Variants in RBFOX1 observed in about 807,000 individuals in gnomAD.
RBFOX1 encodes the protein RNA binding fox-1 homolog 1.
RBFOX1 carries 8 observed loss-of-function variants against 57.7 expected under a neutral mutation model. The observed-to-expected ratio is 0.14, with a 90% CI of 0.08 to 0.25. The LOEUF (loss-of-function observed/expected upper bound fraction) is 0.25, where lower values mean the gene tolerates loss of function less well. Among genes scored for constraint, RBFOX1 ranks in the 10% least tolerant of loss-of-function variants. The probability of loss-of-function intolerance (pLI) is 1.00; values close to 1 mark genes in which losing one functional copy is unlikely to be tolerated. For missense variants in RBFOX1, 611 were observed against 548.5 expected (o/e 1.11, Z -1.14); for synonymous variants, 326 against 222.4 (o/e 1.47, Z -4.15).
rs35756861 is a variant in RBFOX1, at chr16:7,560,532, CA to C, written c.271-19231del. 5.3e-3 allele frequency among the ~76,000 whole-genome samples: 713 copies of C among 135,804 alleles called. 3 individuals carry two copies. The highest frequency in any genetic ancestry group is 0.015 in the East Asian group (64 of 4,362). 89.1% of individuals were successfully genotyped at this position (135,804 alleles called of 152,430 possible). ...TATCTTGCATTTTTATGTAGAGTAT[CA>C]AAAAAAAAAAAAAGCAAAAATTGTT... is the stretch of plus-strand genomic sequence containing the variant. On this transcript the variant is annotated intron_variant, in intron 5 of 15. Coordinates refer to ENST00000550418, the MANE Select transcript of RBFOX1 (RefSeq NM_018723.4).
chr16:6,747,162 C>T (rs2073873996), intron 3 of RBFOX1, among the ~76,000 whole-genome samples: 1 of 152,162 alleles, frequency 6.6e-6, no homozygotes, highest in Non-Finnish European at 1.5e-5. Context: ...ATAATCCCAA[C>T]ACTTTGGGAG....
chr16:6,654,766 A>G (rs947285651), intron 3 of RBFOX1, 116 bp downstream of exon 3: 37 of 686,784 alleles, frequency 5.4e-5, no homozygotes, highest in East Asian at 1.3e-4. Context: ...TTCACGGTCT[A>G]TGACATATTT....
At chr16:5,803,063 C>G (rs2055110051) in intron 3 of RBFOX1, among the ~76,000 whole-genome samples, 1 of 152,214 alleles carries the variant, frequency 6.6e-6, no homozygotes, top group South Asian at 2.1e-4. Flanking sequence ...GATGCAGTTG[C>G]AGACCATCTT....
At chr16:6,636,060 T>G (rs1373670321) in intron 2 of RBFOX1, among the ~76,000 whole-genome samples, 1 of 152,114 alleles carries the variant, frequency 6.6e-6, no homozygotes, top group Non-Finnish European at 1.5e-5. Context: ...CAGTTTTGAG[T>G]GTATTTTGAC....
At chr16:5,300,955 T>C (rs2063787341) in intron 1 of RBFOX1, among the ~76,000 whole-genome samples, 1 of 152,248 alleles carries the variant, frequency 6.6e-6, no homozygotes, top group Non-Finnish European at 1.5e-5. Context: ...GCTCTTGTCC[T>C]GATCATTCTT....
intron 1 of RBFOX1, among the ~76,000 whole-genome samples, chr16:5,279,834 A>C (rs1030666288): frequency 6.6e-6 from 1 of 152,050 alleles, no homozygotes; most frequent in Admixed American, 6.6e-5. Flanking sequence ...TTTTTGGTGG[A>C]GTCTTTGGGT....
At chr16:7,158,351 A>G (rs576587858) in intron 4 of RBFOX1, among the ~76,000 whole-genome samples, 3 of 152,298 alleles carry the variant, frequency 2.0e-5, no homozygotes, top group Admixed American at 6.5e-5. Context: ...GTCTCAAAAG[A>G]AAAAGAAAAA....
chr16:6,342,489 G>C (rs2084715765), intron 2 of RBFOX1, among the ~76,000 whole-genome samples: 1 of 152,078 alleles, frequency 6.6e-6, no homozygotes, highest in African/African-American at 2.4e-5. Flanking sequence ...ACCTTGATAA[G>C]GTTCCTGTCT....
chr16:6,625,034 G>A (rs980437364), intron 2 of RBFOX1, among the ~76,000 whole-genome samples: 43 of 151,838 alleles, frequency 2.8e-4, no homozygotes, highest in African/African-American at 9.9e-4. Flanking sequence ...GTGTGGTGTC[G>A]CAGGCTTATA....
chr16:5,280,827 T>G (rs1265006744), intron 1 of RBFOX1, among the ~76,000 whole-genome samples: 1 of 149,268 alleles, frequency 6.7e-6, no homozygotes, highest in Non-Finnish European at 1.5e-5. Context: ...CTTTCTTTCT[T>G]TTTTTTTTTG....
chr16:6,617,378 C>A (rs1383642660), intron 2 of RBFOX1, among the ~76,000 whole-genome samples: 1 of 151,972 alleles, frequency 6.6e-6, no homozygotes, highest in African/African-American at 2.4e-5. Flanking sequence ...TATCTAAAGG[C>A]ATGGATGTCC....
intron 3 of RBFOX1, among the ~76,000 whole-genome samples, chr16:6,974,983 C>G (rs1354225151): frequency 2.6e-5 from 4 of 152,164 alleles, no homozygotes; most frequent in African/African-American, 9.7e-5. Flanking sequence ...GCTTCTGCTT[C>G]TAATTCTGGA....
intron 1 of RBFOX1, among the ~76,000 whole-genome samples, chr16:5,275,512 A>G (rs918608884): frequency 7.2e-5 from 11 of 152,318 alleles, no homozygotes; most frequent in African/African-American, 2.6e-4. Context: ...GAAAACTACA[A>G]AACACTGCTG....
intron 1 of RBFOX1, among the ~76,000 whole-genome samples, chr16:5,402,264 C>A (rs1324155452): frequency 6.6e-6 from 1 of 152,134 alleles, no homozygotes; most frequent in Non-Finnish European, 1.5e-5. Flanking sequence ...GATAAATACC[C>A]AGAGCTCTCC....
intron 3 of RBFOX1, among the ~76,000 whole-genome samples, chr16:6,982,468 T>G (rs1340875242): frequency 1.3e-5 from 2 of 152,152 alleles, no homozygotes; most frequent in Non-Finnish European, 2.9e-5. Context: ...CTCCTTCTCA[T>G]TCGTTCATGA....
chr16:6,519,724 C>T (rs1049597482), intron 2 of RBFOX1, among the ~76,000 whole-genome samples: 1 of 152,096 alleles, frequency 6.6e-6, no homozygotes, highest in Non-Finnish European at 1.5e-5. Context: ...GAAGAAAACT[C>T]TGCGAGAACT....
chr16:7,710,306 C>A (rs1598711795), intron 15 of RBFOX1: 1 of 1,165,818 alleles, frequency 8.6e-7, no homozygotes, highest in Non-Finnish European at 1.1e-6. Context: ...CAAATTCAAC[C>A]TCAAGTGCAG....
At chr16:7,114,987 A>C (rs549936872) in intron 4 of RBFOX1, among the ~76,000 whole-genome samples, 1 of 152,154 alleles carries the variant, frequency 6.6e-6, no homozygotes, top group Non-Finnish European at 1.5e-5. Context: ...TGAGGGTGAA[A>C]ATAGGGTAAG....
chr16:6,410,920 T>A (rs929068151), intron 2 of RBFOX1, among the ~76,000 whole-genome samples: 11 of 152,156 alleles, frequency 7.2e-5, no homozygotes, highest in Non-Finnish European at 1.5e-4. Flanking sequence ...AACATATTAC[T>A]CAGCATTTGT....
Sources: allele counts gnomAD v4.1 joint callset (sites outside exome capture counted in the v4.1 genomes callset), GRCh38; gene constraint gnomAD v4.1.1; transcripts MANE v1.5; gene names NCBI Gene and HGNC (gene_info 2026-07-23, HGNC 2026-07-21).